Variants in LRRC7 observed in about 807,000 individuals in gnomAD.
LRRC7 encodes leucine-rich repeat-containing protein 7.
In LRRC7, 23 loss-of-function variants were observed where a neutral mutation model predicts 175.7. The observed-to-expected ratio is 0.13, with a 90% CI of 0.09 to 0.19. The LOEUF (loss-of-function observed/expected upper bound fraction) is 0.19. Among genes scored for constraint, LRRC7 ranks in the 10% least tolerant of loss-of-function variants. LRRC7 has a pLI of 1.00. For synonymous variants in LRRC7, 685 were observed against 680.9 expected (o/e 1.01, Z -0.09); for missense variants, 1,354 against 1,904.7 (o/e 0.71, Z 5.38).
At chr1:70,024,442 T>C (rs959933730) in intron 17 of LRRC7, among the ~76,000 whole-genome samples, 11 of 152,092 alleles carry the variant, frequency 7.2e-5, no homozygotes, top group African/African-American at 2.2e-4. Context: ...TTGCATTTAC[T>C]GCACTTTATT....
chr1:69,691,403 G>A (rs2846), intron 2 of LRRC7, among the ~76,000 whole-genome samples: 78,478 of 151,804 alleles, frequency 0.52, 21,010 homozygotes, highest in African/African-American at 0.66. Flanking sequence ...GCAAACAGAC[G>A]CATCCTATTT....
At chr1:69,742,958 G>A (rs1247677613) in intron 2 of LRRC7, among the ~76,000 whole-genome samples, 1 of 151,982 alleles carries the variant, frequency 6.6e-6, no homozygotes, top group Non-Finnish European at 1.5e-5. Context: ...GTCTGGTCAT[G>A]TTTATTATAA....
intron 26 of LRRC7, 100 bp downstream of exon 26, chr1:70,107,926 T>C: frequency 1.9e-6 from 2 of 1,068,536 alleles, no homozygotes; most frequent in East Asian, 2.4e-5. Context: ...TGAAAATAAG[T>C]CCTTCTCACA....
At chr1:69,907,613 A>T (rs1488048774) in intron 7 of LRRC7, among the ~76,000 whole-genome samples, 4 of 152,220 alleles carry the variant, frequency 2.6e-5, no homozygotes, top group Non-Finnish European at 5.9e-5. Context: ...GATGAAGCCC[A>T]GCTGATCATG....
At chr1:69,778,869 T>C (rs554072053) in intron 3 of LRRC7, among the ~76,000 whole-genome samples, 42 of 151,158 alleles carry the variant, frequency 2.8e-4, no homozygotes, top group Non-Finnish European at 8.9e-5. Context: ...CAAAAACAAA[T>C]ATATACACAC....
intron 1 of LRRC7, among the ~76,000 whole-genome samples, chr1:69,591,350 A>C (rs1557446782): frequency 6.6e-6 from 1 of 152,014 alleles, no homozygotes; most frequent in African/African-American, 2.4e-5. Flanking sequence ...GTGTCTGAGA[A>C]TTTTTTTGGG....
chr1:69,609,813 C>A (rs897754555), intron 1 of LRRC7, among the ~76,000 whole-genome samples: 1 of 151,950 alleles, frequency 6.6e-6, no homozygotes, highest in African/African-American at 2.4e-5. Flanking sequence ...TTGAACATTC[C>A]TGCCCATTGT....
At chr1:70,103,204 G>C (rs1363769066) in intron 25 of LRRC7, among the ~76,000 whole-genome samples, 1 of 151,698 alleles carries the variant, frequency 6.6e-6, no homozygotes, top group African/African-American at 2.4e-5. Flanking sequence ...ACTCCAGCCT[G>C]GGCGACAGAA....
intron 8 of LRRC7, among the ~76,000 whole-genome samples, chr1:69,968,315 G>T (rs775075220): frequency 1.8e-4 from 27 of 152,202 alleles, no homozygotes; most frequent in African/African-American, 6.0e-4. Context: ...TATGTTAAAC[G>T]ACCAAACCTA....
intron 25 of LRRC7, among the ~76,000 whole-genome samples, chr1:70,106,815 C>G (rs1190777656): frequency 2.0e-5 from 3 of 152,224 alleles, no homozygotes; most frequent in Non-Finnish European, 4.4e-5. Context: ...CCTTCTTCCC[C>G]TTACCTGTGT....
intron 1 of LRRC7, among the ~76,000 whole-genome samples, chr1:69,671,956 A>G (rs975769891): frequency 3.3e-5 from 5 of 152,118 alleles, no homozygotes; most frequent in African/African-American, 1.2e-4. Context: ...TGAAGTTAAA[A>G]CCAAGCACTG....
intron 7 of LRRC7, among the ~76,000 whole-genome samples, chr1:69,907,495 C>T (rs865919061): frequency 2.0e-5 from 3 of 152,092 alleles, no homozygotes; most frequent in African/African-American, 7.2e-5. Flanking sequence ...TGTCAAAGGC[C>T]TTTTCTGCAT....
At chr1:69,907,368 G>A (rs529855532) in intron 7 of LRRC7, among the ~76,000 whole-genome samples, 1,896 of 152,210 alleles carry the variant, frequency 0.012, 34 homozygotes, top group African/African-American at 0.043. Context: ...TCCAGTTTTT[G>A]CCCATTCAGT....
chr1:69,678,845 T>G (rs1397361536), intron 2 of LRRC7, among the ~76,000 whole-genome samples: 2 of 152,188 alleles, frequency 1.3e-5, no homozygotes, highest in South Asian at 2.1e-4. Flanking sequence ...GTCAACACTT[T>G]CCAGTTTCCA....
chr1:70,022,367 T>C (rs1045048690), intron 16 of LRRC7: 3 of 152,158 alleles, frequency 2.0e-5, no homozygotes, highest in Non-Finnish European at 4.4e-5. Context: ...TTTCATTGAA[T>C]TACCAAAAAT....
chr1:69,583,152 A>C (rs1192398024), intron 1 of LRRC7, among the ~76,000 whole-genome samples: 1 of 151,842 alleles, frequency 6.6e-6, no homozygotes, highest in Non-Finnish European at 1.5e-5. Context: ...ATACTTAAGA[A>C]TTTTTGAGAT....
At chr1:69,721,319 A>G (rs750633319) in intron 2 of LRRC7, among the ~76,000 whole-genome samples, 1 of 151,852 alleles carries the variant, frequency 6.6e-6, no homozygotes, top group Non-Finnish European at 1.5e-5. Context: ...TTATATCCAC[A>G]ATTATAGTAT....
intron 1 of LRRC7, among the ~76,000 whole-genome samples, chr1:69,579,443 G>A (rs534708714): frequency 6.6e-6 from 1 of 152,106 alleles, no homozygotes; most frequent in Admixed American, 6.5e-5. Context: ...GGTATTTTTA[G>A]GATACTTCAA....
At chr1:69,637,669 C>G (rs1333210431) in intron 1 of LRRC7, among the ~76,000 whole-genome samples, 1 of 151,934 alleles carries the variant, frequency 6.6e-6, no homozygotes, top group East Asian at 1.9e-4. Flanking sequence ...TCTTTTCTTT[C>G]ATGACTATTT....
Sources: allele counts gnomAD v4.1 joint callset (sites outside exome capture counted in the v4.1 genomes callset), GRCh38; gene constraint gnomAD v4.1.1; transcripts MANE v1.5; gene names NCBI Gene and HGNC (gene_info 2026-07-23, HGNC 2026-07-21).